The following NPFFR1 variants were observed in gnomAD, a reference collection of about 807,000 sequenced individuals.
NPFFR1 encodes the protein neuropeptide FF receptor 1.
A neutral mutation model predicts 12.7 loss-of-function variants in NPFFR1; 17 were observed. That is an observed-to-expected ratio of 1.34 (90% CI 0.92 to 2.01). NPFFR1 has a LOEUF of 2.01. Ranked by LOEUF, NPFFR1 falls within the 30% of genes most tolerant of loss-of-function variation. NPFFR1 has a pLI of 0.00. For missense variants in NPFFR1, 604 were observed against 606.5 expected (o/e 1.00, Z 0.04); for synonymous variants, 296 against 264.5 (o/e 1.12, Z -1.16).
chr10:70,268,450 A>G (rs995311022), intron 1 of NPFFR1, among the ~76,000 whole-genome samples: 2 of 152,154 alleles, frequency 1.3e-5, no homozygotes, highest in African/African-American at 4.8e-5. Context: ...ACCTATTATT[A>G]TGTTGTGAAC....
chr10:70,254,056 G>T lies in NPFFR1; in HGVS notation c.*901C>A, dbSNP rs1350677365. 1 of 152,232 alleles carries T rather than the reference G, an allele frequency of 6.6e-6. No homozygotes were observed. Among genetic ancestry groups the T allele is most frequent in the African/African-American group, 2.4e-5 (1 of 41,446 alleles). The allele number at this position is 152,232 out of a possible 1,614,324, so 9.4% of individuals were successfully genotyped here. ...GCAAGGCTTTGTACCTGCAGCCCCA[G>T]TGAGCAGATGTGTTTCCCAATGTGG... On this transcript the variant is annotated 3_prime_UTR_variant, in exon 4 of 4. Transcript: ENST00000277942.
At chr10:70,279,916 T>A (rs1245799166) in intron 1 of NPFFR1, among the ~76,000 whole-genome samples, 3 of 152,242 alleles carry the variant, frequency 2.0e-5, no homozygotes, top group African/African-American at 7.2e-5. Flanking sequence ...ACAGAGCCAC[T>A]CTACTCTCTG....
intron 1 of NPFFR1, among the ~76,000 whole-genome samples, chr10:70,269,133 C>T (rs1840725608): frequency 6.6e-6 from 1 of 152,120 alleles, no homozygotes; most frequent in Non-Finnish European, 1.5e-5. Context: ...TCTCTGTTCC[C>T]TGTATTACCT....
intron 1 of NPFFR1, among the ~76,000 whole-genome samples, chr10:70,275,064 C>A (rs1840788715): frequency 6.6e-6 from 1 of 152,202 alleles, no homozygotes; most frequent in African/African-American, 2.4e-5. Context: ...AGCCTGACCT[C>A]TTTTTGGTGA....
intron 1 of NPFFR1, among the ~76,000 whole-genome samples, chr10:70,268,779 G>C (rs898326946): frequency 6.6e-6 from 1 of 152,228 alleles, no homozygotes; most frequent in African/African-American, 2.4e-5. Context: ...CATCACGTCT[G>C]TCACATTTTA....
chr10:70,281,896 A>G (rs1840866366), intron 1 of NPFFR1, among the ~76,000 whole-genome samples: 1 of 152,230 alleles, frequency 6.6e-6, no homozygotes, highest in Non-Finnish European at 1.5e-5. Context: ...TTCTGAGCTG[A>G]GGGAGTGCGT....
intron 1 of NPFFR1, among the ~76,000 whole-genome samples, chr10:70,273,939 G>A (rs1840775147): frequency 6.6e-6 from 1 of 152,134 alleles, no homozygotes; most frequent in Admixed American, 6.5e-5. Flanking sequence ...TGTTAGAGAT[G>A]GGCAGGGGTA....
At position 70,263,485 on chromosome 10, in the gene NPFFR1, G is replaced by C. The variant is rs567420522; in HGVS notation, c.322+2592C>G. 5.3e-5 allele frequency among the ~76,000 whole-genome samples: 8 copies of C among 152,216 alleles called. 1 individual carries two copies. The South Asian group carries it at 1.7e-3, about 32-fold the overall frequency. On this transcript the variant is annotated intron_variant, in intron 2 of 3. Transcript: ENST00000277942. The stretch of plus-strand genomic sequence containing the variant: ...AGATGGGGTTTCACCATTTTAGCCA[G>C]GATGGTCTCGATCTCCTGACCTTGT...
intron 2 of NPFFR1, among the ~76,000 whole-genome samples, chr10:70,261,304 G>A (rs959661979): frequency 2.0e-5 from 3 of 152,140 alleles, no homozygotes; most frequent in East Asian, 3.9e-4. Context: ...GAAGAAGGAT[G>A]TGCTTCCCCT....
intron 1 of NPFFR1, among the ~76,000 whole-genome samples, chr10:70,273,989 T>C (rs1840775677): frequency 6.6e-6 from 1 of 152,096 alleles, no homozygotes; most frequent in Non-Finnish European, 1.5e-5. Context: ...CTAGATTAGA[T>C]GTTTGTGCCC....
chr10:70,282,116 C>T (rs1451702911), intron 1 of NPFFR1, among the ~76,000 whole-genome samples: 2 of 152,028 alleles, frequency 1.3e-5, no homozygotes, highest in Non-Finnish European at 2.9e-5. Context: ...CTGTAAATAC[C>T]TCTGGGTCGC....
rs1391034804 is a variant in NPFFR1 at position 70,266,129 on chromosome 10, C to T, written c.270G>A (p.Leu90=). The T allele has an allele frequency of 6.2e-7, 1 of 1,614,010 alleles. No individual in the cohort carries two copies. The change falls in exon 2 of 4, where the codon CTG becomes CTA. Residue 90 remains leucine (L), a synonymous_variant. Transcript: ENST00000277942. ...TGGGCATGCAGAAGATGCCCACCAG[C>T]AGGTCACTGACAGCCAGGTTGAGGA... is the stretch of plus-strand genomic sequence containing the variant. ...MFILNLAVSD[L]LVGIFCMPTT...
At position 70,255,224 on chromosome 10, in the gene NPFFR1, G is replaced by T. The variant is rs755162147; in HGVS notation, c.1026C>A (p.Ala342=). The T allele has an allele frequency of 3.9e-6, 6 of 1,551,958 alleles. No individual in the cohort carries two copies. Among genetic ancestry groups the T allele is most frequent in the South Asian group, 3.5e-5 (3 of 85,160 alleles). The part of the protein sequence containing the change: ...FNENFRRGFQ[A]AFRARLCPRP... ...GCGGGCAGAGGCGGGCGCGGAAGGCGGCCTGGAAGCCGCGGCGGAAGTTCT... is the reference window on the plus strand; with the variant it reads ...GCGGGCAGAGGCGGGCGCGGAAGGCTGCCTGGAAGCCGCGGCGGAAGTTCT... Residue 342 remains alanine (A), a synonymous_variant, in exon 4 of 4, where the codon GCC becomes GCA. Transcript: ENST00000277942. This position sits in a 1 kb window ranked among gnomAD's most constrained non-coding sequence, Gnocchi z 4.2.
chr10:70,270,637 C>T (rs1000094295), intron 1 of NPFFR1, among the ~76,000 whole-genome samples: 9 of 152,190 alleles, frequency 5.9e-5, no homozygotes, highest in Admixed American at 2.0e-4. Context: ...GCACATGAAT[C>T]CTTTCTGGAG....
intron 3 of NPFFR1, among the ~76,000 whole-genome samples, chr10:70,259,325 TCTC>T (rs199532393): frequency 0.01 from 1,543 of 150,952 alleles, 23 homozygotes; most frequent in African/African-American, 0.032. Flanking sequence ...GAAAAAGAAA[TCTC>T]CAGAGAATAA....
At position 70,260,645 on chromosome 10, in the gene NPFFR1, C is replaced by A. The variant is rs371683603; in HGVS notation, c.417G>T (p.Val139=). ...CCAGCCAGGAAACCTCTCACCTTTC[C>A]ACAGCAATGGCCACCAGTGTGAAAA... ...ASVFTLVAIA[V]ERFRCIVHPF... is the part of the protein sequence containing the mutation. The change falls in exon 3 of 4, where the codon GTG becomes GTT. Residue 139 remains valine (V), a synonymous_variant. Coordinates refer to ENST00000277942, the MANE Select transcript of NPFFR1 (RefSeq NM_022146.5). 1.9e-6 allele frequency: 3 copies of A among 1,608,562 alleles called. No individual in the cohort carries two copies.
In NPFFR1 at chr10:70,282,439, T is replaced by C. The variant is rs536908395; in HGVS notation, c.7+1231A>G. On this transcript the variant is annotated intron_variant, in intron 1 of 3. Coordinates refer to ENST00000277942, the MANE Select transcript of NPFFR1 (RefSeq NM_022146.5). ...ATCTGCCAATCTTCCAGATTCCTCT[T>C]GGGTTATTGATTCCTTCTTGCCTCT... Among the ~76,000 whole-genome samples the C allele has an allele frequency of 3.3e-5, 5 of 152,318 alleles. No homozygotes were observed. In the East Asian group the frequency reaches 9.6e-4, roughly 29 times the overall value.
chr10:70,273,603 C>G (rs894550968), intron 1 of NPFFR1, among the ~76,000 whole-genome samples: 1 of 152,102 alleles, frequency 6.6e-6, no homozygotes, highest in African/African-American at 2.4e-5. Context: ...CTGATTTTTC[C>G]CCTGGGGAGT....
At chr10:70,264,683 G>T (rs757857118) in intron 2 of NPFFR1, among the ~76,000 whole-genome samples, 1 of 152,268 alleles carries the variant, frequency 6.6e-6, no homozygotes, top group East Asian at 1.9e-4. Context: ...CAATTTGCTT[G>T]CACTCGCATA....
Sources: allele counts gnomAD v4.1 joint callset (sites outside exome capture counted in the v4.1 genomes callset), GRCh38; gene constraint gnomAD v4.1.1; non-coding constraint Gnocchi (gnomAD v3.1); transcripts MANE v1.5; gene names NCBI Gene and HGNC (gene_info 2026-07-23, HGNC 2026-07-21).